The following ZNF236 variants were observed in gnomAD, a reference collection of about 807,000 sequenced individuals.
ZNF236 encodes the protein zinc finger protein 236.
A neutral mutation model predicts 191.2 loss-of-function variants in ZNF236; 50 were observed. The ratio of observed to expected loss-of-function variants is 0.26; its 90% CI spans 0.21 to 0.33. The LOEUF (loss-of-function observed/expected upper bound fraction) is 0.33. Ranked by LOEUF, ZNF236 falls within the 10% of genes least tolerant of loss-of-function variation. ZNF236 has a pLI of 1.00. For missense variants in ZNF236, 1,754 were observed against 2,374.5 expected (o/e 0.74, Z 5.43); for synonymous variants, 907 against 928.8 (o/e 0.98, Z 0.43).
Position 76,895,776 on chromosome 18 carries a change from G to C in ZNF236, c.1690+491G>C, listed in dbSNP as rs370346851. 1.0e-4 allele frequency among the ~76,000 whole-genome samples: 15 copies of C among 145,936 alleles called. No individual in the cohort carries two copies. The East Asian group carries it at 1.3e-3, about 12-fold the overall frequency. On this transcript the variant is annotated intron_variant, in intron 10 of 30. Coordinates refer to ENST00000320610, the MANE Select transcript of ZNF236 (RefSeq NM_001306089.2). ...ATTGCCCAAAAGTACCAAACACATA[G>C]TACTGCACATAGTACCCAGCACAGC...
intron 30 of ZNF236, 49 bp from the exon 31 acceptor site, chr18:76,968,166 T>C: frequency 1.2e-6 from 2 of 1,608,976 alleles, no homozygotes; most frequent in Non-Finnish European, 1.7e-6. Flanking sequence ...AATCATTTTG[T>C]GCTCTGGAAG....
At chr18:76,911,439 T>C (rs1967215395) in intron 16 of ZNF236, among the ~76,000 whole-genome samples, 2 of 152,220 alleles carry the variant, frequency 1.3e-5, no homozygotes, top group Non-Finnish European at 2.9e-5. Flanking sequence ...TGGCAGCAGA[T>C]GCTGAATCTG....
chr18:76,927,012 A>T lies in ZNF236; in HGVS notation c.4028-25A>T, dbSNP rs1967716603. 1.3e-6 allele frequency: 2 copies of T among 1,581,254 alleles called. No homozygotes were observed. Among genetic ancestry groups the T allele is most frequent in the African/African-American group, 2.7e-5 (2 of 73,502 alleles). On this transcript the variant is annotated intron_variant, in intron 22 of 30. Coordinates refer to ENST00000320610, the MANE Select transcript of ZNF236 (RefSeq NM_001306089.2). The surrounding 1 kb of genome is among the most constrained non-coding windows in gnomAD (Gnocchi z 5.4). ...TAAGAAGCATTCATAATATTTGATC[A>T]TTCTCTTTCTCTTTCTCTGGCCAGC...
chr18:76,906,511 C>T (rs150893912), intron 13 of ZNF236, among the ~76,000 whole-genome samples: 47 of 152,230 alleles, frequency 3.1e-4, no homozygotes, highest in Non-Finnish European at 6.3e-4. Flanking sequence ...AAGAGCTTAC[C>T]GTGCTAAGAA....
At chr18:76,869,853 G>C (rs1256574334) in intron 4 of ZNF236, among the ~76,000 whole-genome samples, 2 of 152,194 alleles carry the variant, frequency 1.3e-5, no homozygotes, top group African/African-American at 4.8e-5. Context: ...GTACTCGGGA[G>C]GCTGAGGCAG....
Position 76,960,595 on chromosome 18 carries a change from C to A in ZNF236, c.5243-84C>A. On this transcript the variant is annotated intron_variant, in intron 29 of 30. Coordinates refer to ENST00000320610, the MANE Select transcript of ZNF236 (RefSeq NM_001306089.2). This position sits in a 1 kb window ranked among gnomAD's most constrained non-coding sequence, Gnocchi z 4.4. ...CTAAAAGAAAAGAGGAACATTCAGT[C>A]CCTCTTGTTCATACCTCAGGGTAGA... 1 of 1,464,498 alleles carries A rather than the reference C, an allele frequency of 6.8e-7. No homozygotes were observed. 90.7% of individuals were successfully genotyped at this position (1,464,498 alleles called of 1,614,324 possible). A position where few individuals can be genotyped will look rare whatever the true frequency, so the allele number is the denominator to read the frequency against.
Position 76,895,139 on chromosome 18 carries a change from C to T in ZNF236, c.1544C>T (p.Pro515Leu), listed in dbSNP as rs572457418. The T allele has an allele frequency of 6.2e-6, 10 of 1,610,440 alleles. No homozygotes were observed. Among genetic ancestry groups the T allele is most frequent in the Admixed American group, 1.7e-5 (1 of 60,036 alleles). Residue 515 changes from proline (P) to leucine (L), a missense_variant, in exon 10 of 31, where the codon CCG becomes CTG. Transcript: ENST00000320610. The part of the protein sequence containing the change: ...IHTHEKPFKC[P>L]QCFRAFAVKS... ...ACCCACGAGAAGCCCTTCAAGTGCCCGCAGTGCTTCCGCGCCTTCGCCGTG... is the reference window on the plus strand; with the variant it reads ...ACCCACGAGAAGCCCTTCAAGTGCCTGCAGTGCTTCCGCGCCTTCGCCGTG...
chr18:76,906,662 C>G (rs1977750833), intron 13 of ZNF236, among the ~76,000 whole-genome samples: 1 of 152,154 alleles, frequency 6.6e-6, no homozygotes, highest in Non-Finnish European at 1.5e-5. Context: ...ACCCAGTGAC[C>G]AATGCTGTAA....
Position 76,961,174 on chromosome 18 carries a change from G to A in ZNF236, c.5419+319G>A, listed in dbSNP as rs148354000. ...CACCCCCTTCCCATTCTTTCCCCCC[G>A]AGTCCCCAAAGTCCATTGTGTCATT... On this transcript the variant is annotated intron_variant, in intron 30 of 30. Transcript: ENST00000320610. 5.0e-3 allele frequency among the ~76,000 whole-genome samples: 756 copies of A among 151,054 alleles called. 7 individuals are homozygous for A. The highest frequency in any genetic ancestry group is 0.018 in the African/African-American group (732 of 41,072).
At chr18:76,882,251 G>A (rs1463601627) in intron 9 of ZNF236, among the ~76,000 whole-genome samples, 1 of 152,136 alleles carries the variant, frequency 6.6e-6, no homozygotes, top group Non-Finnish European at 1.5e-5. Context: ...CATCTTCAGT[G>A]CTCCGTCATT....
intron 1 of ZNF236, among the ~76,000 whole-genome samples, chr18:76,829,824 C>T (rs1051109913): frequency 6.6e-5 from 10 of 152,220 alleles, no homozygotes; most frequent in Non-Finnish European, 1.0e-4. Context: ...AGGCCTTCCC[C>T]GCACTGTCCT....
chr18:76,905,428 C>A lies in ZNF236; in HGVS notation c.2297+13C>A. On this transcript the variant is annotated intron_variant, in intron 13 of 30. Transcript: ENST00000320610. ...TGAAAACCCACAGGTGGGTGTAATTCTGGTGGTCACTTTTTATCATCTTTA... is the reference window on the plus strand; with the variant it reads ...TGAAAACCCACAGGTGGGTGTAATTATGGTGGTCACTTTTTATCATCTTTA... 6.2e-7 allele frequency: 1 copy of A among 1,608,948 alleles called. No individual in the cohort carries two copies.
At chr18:76,889,650 A>G (rs529831362) in intron 9 of ZNF236, among the ~76,000 whole-genome samples, 11 of 152,368 alleles carry the variant, frequency 7.2e-5, no homozygotes, top group Admixed American at 7.2e-4. Flanking sequence ...TGTAAAGTGG[A>G]TAGCATGGTG....
intron 1 of ZNF236, among the ~76,000 whole-genome samples, chr18:76,844,593 C>G (rs918568264): frequency 2.0e-5 from 3 of 152,182 alleles, no homozygotes; most frequent in Non-Finnish European, 2.9e-5. Context: ...ACTGTTATAT[C>G]TCTCATTTTA....
intron 10 of ZNF236, among the ~76,000 whole-genome samples, chr18:76,897,531 A>G (rs1977466687): frequency 6.6e-6 from 1 of 150,724 alleles, no homozygotes; most frequent in South Asian, 2.1e-4. Flanking sequence ...TACCAAACAC[A>G]GTGCTGCACA....
chr18:76,830,823 CTA>C (rs1263472770), intron 1 of ZNF236, among the ~76,000 whole-genome samples: 1 of 152,044 alleles, frequency 6.6e-6, no homozygotes, highest in Non-Finnish European at 1.5e-5. Context: ...ATTTTGAGTT[CTA>C]TACTAATACA....
chr18:76,968,920 A>G lies in ZNF236; in HGVS notation c.*581A>G, dbSNP rs1568252950. 2 of 967,714 alleles carry G rather than the reference A, an allele frequency of 2.1e-6. No homozygotes were observed. The highest frequency in any genetic ancestry group is 2.4e-6 in the Non-Finnish European group (2 of 817,014). The allele number at this position is 967,714 out of a possible 1,614,324, so 59.9% of individuals were successfully genotyped here. On this transcript the variant is annotated 3_prime_UTR_variant, in exon 31 of 31. Transcript: ENST00000320610. ...GATACCTTGAGAGATGGCTGGACCAATTCTCTCCATGACAAATGTTTAATC... is the reference window on the plus strand; with the variant it reads ...GATACCTTGAGAGATGGCTGGACCAGTTCTCTCCATGACAAATGTTTAATC...
intron 19 of ZNF236, among the ~76,000 whole-genome samples, chr18:76,918,225 A>G (rs1464832790): frequency 6.6e-6 from 1 of 152,132 alleles, no homozygotes; most frequent in African/African-American, 2.4e-5. Context: ...TCATTTAGGA[A>G]TGAATACTTA....
chr18:76,897,398 T>G (rs909550046), intron 10 of ZNF236, among the ~76,000 whole-genome samples: 1 of 150,848 alleles, frequency 6.6e-6, no homozygotes, highest in Admixed American at 6.6e-5. Flanking sequence ...AACACAGTAC[T>G]GCGCTCAGGT....
Sources: gnomAD v4.1 joint callset for allele counts (sites outside exome capture counted in the v4.1 genomes callset) on GRCh38, gnomAD v4.1.1 for gene constraint, Gnocchi (gnomAD v3.1) non-coding constraint, MANE v1.5 for transcripts, NCBI Gene and HGNC (gene_info 2026-07-23, HGNC 2026-07-21) for gene names.